CSNK1D: variants seen among roughly 807,000 people sequenced by gnomAD.
The protein encoded by CSNK1D is casein kinase I isoform delta.
A neutral mutation model predicts 46.6 loss-of-function variants in CSNK1D; 16 were observed. That is an observed-to-expected ratio of 0.34 (90% CI 0.23 to 0.52). The LOEUF (loss-of-function observed/expected upper bound fraction) is 0.52. CSNK1D is among the 20% of genes least tolerant of loss of function. The pLI, the probability that CSNK1D is intolerant of heterozygous loss-of-function variation, is 0.95. For missense variants in CSNK1D, 398 were observed against 578.4 expected, an observed-to-expected ratio of 0.69 and a Z score of 3.20; for synonymous variants, 276 against 228.2, an observed-to-expected ratio of 1.21 and a Z score of -1.89.
rs11552085 is a variant in CSNK1D at position 82,273,438 on chromosome 17, T to C, written c.-57A>G. ...CCGGCCGCTTCCTGGGTCTGAACTCTGGGAGGCGGCGCCGCTGCTGCCGCT... is the reference window on the plus strand; with the variant it reads ...CCGGCCGCTTCCTGGGTCTGAACTCCGGGAGGCGGCGCCGCTGCTGCCGCT... On this transcript the variant is annotated 5_prime_UTR_variant, in exon 1 of 9. Transcript: ENST00000314028. The surrounding 1 kb of genome is among the most constrained non-coding windows in gnomAD (Gnocchi z 5.1). 0.028 allele frequency: 43,918 copies of C among 1,596,342 alleles called. 6,104 individuals are homozygous for C. The African/African-American group carries it at 0.39, about 14-fold the overall frequency.
intron 8 of CSNK1D, chr17:82,245,666 A>G: frequency 5.0e-6 from 2 of 403,658 alleles, no homozygotes; most frequent in South Asian, 4.5e-5. Context: ...CTCCTGCCTC[A>G]CGGGTGGGCA....
At chr17:82,242,218 G>GT (rs1198783570), downstream of CSNK1D, among the ~76,000 whole-genome samples, 1 of 151,668 alleles carries the variant, frequency 6.6e-6, no homozygotes, top group Non-Finnish European at 1.5e-5. Flanking sequence ...GCTCTGGGGG[G>GT]GGGGGGAAGA....
chr17:82,265,649 G>C (rs1474016125), intron 2 of CSNK1D, 37 bp downstream of exon 2: 4 of 1,504,082 alleles, frequency 2.7e-6, no homozygotes, highest in Non-Finnish European at 3.7e-6. Flanking sequence ...TTGTCAAACA[G>C]AACCCTGGTG....
chr17:82,251,889 G>A lies in CSNK1D; in HGVS notation c.737-362C>T, dbSNP rs1437627683. ...GGCGCCTGTAGTCCCAGCTACCGGG[G>A]AGGCTGACGCAGGAGAATGGTATGA... On this transcript the variant is annotated intron_variant, in intron 5 of 8. Coordinates refer to ENST00000314028, the MANE Select transcript of CSNK1D (RefSeq NM_001893.6). The surrounding 1 kb of genome is among the most constrained non-coding windows in gnomAD (Gnocchi z 4.5). 2.9e-6 allele frequency: 1 copy of A among 345,852 alleles called. No homozygotes were observed. Among genetic ancestry groups the A allele is most frequent in the Non-Finnish European group, 5.5e-6 (1 of 181,428 alleles). The allele number at this position is 345,852 out of a possible 1,614,324, so 21.4% of individuals were successfully genotyped here. A position where few individuals can be genotyped will look rare whatever the true frequency, so the allele number is the denominator to read the frequency against.
chr17:82,251,827 GA>G lies in CSNK1D; in HGVS notation c.737-301del, dbSNP rs112553966. The G allele has an allele frequency of 0.12, 32,063 of 259,858 alleles. 250 individuals are homozygous for G. The highest frequency in any genetic ancestry group is 0.21 in the Admixed American group (3,801 of 18,226). The allele number at this position is 259,858 out of a possible 1,614,324, so 16.1% of individuals were successfully genotyped here. On this transcript the variant is annotated intron_variant, in intron 5 of 8. Coordinates refer to ENST00000314028, the MANE Select transcript of CSNK1D (RefSeq NM_001893.6). The surrounding 1 kb of genome is among the most constrained non-coding windows in gnomAD (Gnocchi z 4.5). ...AACACAGTGAAACCCCATCTCTACT[GA>G]AAAAAAAAAAAAAAAAGTTCTAGAG...
At position 82,248,779 on chromosome 17, in the gene CSNK1D, G is replaced by C. The variant is rs758253257; in HGVS notation, c.1197+96C>G. ...TAAAAACTCTCAAAAATGGGGGGAA[G>C]AAAGGAAAGAAGAAGCCCTGGAGAA... On this transcript the variant is annotated intron_variant, in intron 8 of 8. Transcript: ENST00000314028. The surrounding 1 kb of genome is among the most constrained non-coding windows in gnomAD (Gnocchi z 4.1). 6 of 1,534,708 alleles carry C rather than the reference G, an allele frequency of 3.9e-6. No homozygotes were observed. In the East Asian group the frequency reaches 1.5e-4, roughly 37 times the overall value.
chr17:82,265,242 G>T (rs1313447888), intron 2 of CSNK1D: 2 of 282,172 alleles, frequency 7.1e-6, no homozygotes, highest in Non-Finnish European at 1.4e-5. Context: ...GCAGTGGCGT[G>T]ATCTCGGCTC....
rs2050785752 is a variant in CSNK1D at position 82,243,877 on chromosome 17, C to T, written c.*904G>A. 1.0e-6 allele frequency: 1 copy of T among 985,524 alleles called. No individual in the cohort carries two copies. The highest frequency in any genetic ancestry group is 1.2e-6 in the Non-Finnish European group (1 of 830,070). The allele number at this position is 985,524 out of a possible 1,614,324, so 61.0% of individuals were successfully genotyped here. On this transcript the variant is annotated 3_prime_UTR_variant, in exon 9 of 9. Transcript: ENST00000314028. ...CAAGGGACCAGAAACGCATCTTCCA[C>T]CTTGAATCCTGGGACTCCCAATTGT...
chr17:82,263,973 G>A (rs1237146286), intron 2 of CSNK1D, among the ~76,000 whole-genome samples: 1 of 152,242 alleles, frequency 6.6e-6, no homozygotes, highest in Non-Finnish European at 1.5e-5. Flanking sequence ...CGTGAGGCCC[G>A]TGATGGGACA....
rs2050910884 is a variant in CSNK1D at position 82,248,609 on chromosome 17, C to G, written c.1197+266G>C. The G allele has an allele frequency of 7.5e-7, 1 of 1,325,478 alleles. No homozygotes were observed. The highest frequency in any genetic ancestry group is 9.7e-7 in the Non-Finnish European group (1 of 1,031,530). The allele number at this position is 1,325,478 out of a possible 1,614,324, so 82.1% of individuals were successfully genotyped here. On this transcript the variant is annotated intron_variant, in intron 8 of 8. Coordinates refer to ENST00000314028, the MANE Select transcript of CSNK1D (RefSeq NM_001893.6). The surrounding 1 kb of genome is among the most constrained non-coding windows in gnomAD (Gnocchi z 4.1). Reference sequence around the variant, plus strand: ...GGGGCACTCAAACAGCAGGAGAAAGCCCCCACGGTTTGCTGGCCTCAGGGA... The same window carrying G: ...GGGGCACTCAAACAGCAGGAGAAAGGCCCCACGGTTTGCTGGCCTCAGGGA...
At position 82,255,407 on chromosome 17, in the gene CSNK1D, ACTGTCAGGAAACAGTC is replaced by A. The variant is rs2051152550; in HGVS notation, c.336+6_336+21del. On this transcript the variant is annotated splice_donor_region_variant and intron_variant, in intron 3 of 8. Coordinates refer to ENST00000314028, the MANE Select transcript of CSNK1D (RefSeq NM_001893.6). This position sits in a 1 kb window ranked among gnomAD's most constrained non-coding sequence, Gnocchi z 5.9. ...TCTATCAGACAGCAAGTGTGTGCCA[ACTGTCAGGAAACAGTC>A]CTTACCATTTGGTCAGCAAGCAGCA... The A allele has an allele frequency of 6.2e-7, 1 of 1,614,006 alleles. No individual in the cohort carries two copies. Among genetic ancestry groups the A allele is most frequent in the Non-Finnish European group, 8.5e-7 (1 of 1,179,886 alleles).
chr17:82,245,670 G>A (rs1248830060), intron 8 of CSNK1D: 6 of 413,704 alleles, frequency 1.5e-5, no homozygotes, highest in Non-Finnish European at 2.7e-5. Context: ...TGCCTCACGG[G>A]TGGGCACCCA....
downstream of CSNK1D, among the ~76,000 whole-genome samples, chr17:82,241,559 G>A (rs554838664): frequency 6.6e-6 from 1 of 152,350 alleles, no homozygotes; most frequent in East Asian, 1.9e-4. Context: ...GCAGCTGCAG[G>A]CCTGGGAAGC....
At chr17:82,271,747 G>A (rs975449391) in intron 1 of CSNK1D, among the ~76,000 whole-genome samples, 1 of 152,244 alleles carries the variant, frequency 6.6e-6, no homozygotes, top group African/African-American at 2.4e-5. Flanking sequence ...CGGGTCCTGA[G>A]TCCTCTCTCT....
chr17:82,269,044 C>G (rs1201419427), intron 1 of CSNK1D, among the ~76,000 whole-genome samples: 1 of 147,350 alleles, frequency 6.8e-6, no homozygotes, highest in Non-Finnish European at 1.5e-5. Context: ...TTGCAGTGAG[C>G]TGAGATCGCG....
rs561886851 is a variant in CSNK1D at position 82,244,014 on chromosome 17, G to A, written c.*767C>T. 6.1e-6 allele frequency: 6 copies of A among 986,972 alleles called. No individual in the cohort carries two copies. Among genetic ancestry groups the A allele is most frequent in the East Asian group, 1.1e-4 (1 of 8,840 alleles). 61.1% of individuals were successfully genotyped at this position (986,972 alleles called of 1,614,324 possible). On this transcript the variant is annotated 3_prime_UTR_variant, in exon 9 of 9. Transcript: ENST00000314028. Reference sequence around the variant, plus strand: ...AACACCCACTGCACCCCTGCCCCGCGGCAGCCTGCGGTCCCTAACTGCTCT... The same window carrying A: ...AACACCCACTGCACCCCTGCCCCGCAGCAGCCTGCGGTCCCTAACTGCTCT...
rs762254900 is a variant in CSNK1D at position 82,248,819 on chromosome 17, T to C, written c.1197+56A>G. Reference sequence around the variant, plus strand: ...GCCCTGGAGAAACCACAGCCCGCTCTTGACTCGGACGGGGTAGCCCGAGGC... The same window carrying C: ...GCCCTGGAGAAACCACAGCCCGCTCCTGACTCGGACGGGGTAGCCCGAGGC... On this transcript the variant is annotated intron_variant, in intron 8 of 8. Transcript: ENST00000314028. This position sits in a 1 kb window ranked among gnomAD's most constrained non-coding sequence, Gnocchi z 4.1. 1.3e-6 allele frequency: 2 copies of C among 1,580,002 alleles called. No individual in the cohort carries two copies. The highest frequency in any genetic ancestry group is 1.3e-5 in the African/African-American group (1 of 74,282).
Position 82,252,529 on chromosome 17 carries a change from T to A in CSNK1D, c.641A>T (p.Gln214Leu), listed in dbSNP as rs781333608. ...MYFNLGSLPW[Q>L]GLKAATKRQK... is the part of the protein sequence containing the mutation. ...TCTCTTGGTGGCAGCCTTCAGCCCC[T>A]GCCAGGGGAGAGAGCCCAGGTTGAA... Residue 214 changes from glutamine (Q) to leucine (L), a missense_variant, in exon 5 of 9, where the codon CAG becomes CTG. By Grantham distance (113) the Gln-to-Leu change is moderately radical (BLOSUM62 -2). Transcript: ENST00000314028. This position sits in a 1 kb window ranked among gnomAD's most constrained non-coding sequence, Gnocchi z 4.6. 6.2e-7 allele frequency: 1 copy of A among 1,614,034 alleles called. No homozygotes were observed.
At chr17:82,253,406 TC>T (rs1294800617) in intron 3 of CSNK1D, 162 bp from the exon 4 acceptor site, 5 of 688,244 alleles carry the variant, frequency 7.3e-6, no homozygotes, top group Non-Finnish European at 1.3e-5. Flanking sequence ...ACCAAATTGT[TC>T]CCCCAGGTGC....
Sources: gnomAD v4.1 joint callset for allele counts (sites outside exome capture counted in the v4.1 genomes callset) on GRCh38, gnomAD v4.1.1 for gene constraint, Gnocchi (gnomAD v3.1) non-coding constraint, MANE v1.5 for transcripts, NCBI Gene and HGNC (gene_info 2026-07-23, HGNC 2026-07-21) for gene names.